PPIP5K2: variants seen among roughly 807,000 people sequenced by gnomAD.
PPIP5K2 encodes the protein diphosphoinositol pentakisphosphate kinase 2.
In PPIP5K2, 105 loss-of-function variants were observed where a neutral mutation model predicts 154.6. That is an observed-to-expected ratio of 0.68 (90% CI 0.58 to 0.80). The LOEUF is 0.80. Among genes scored for constraint, PPIP5K2 ranks in the 30% least tolerant of loss-of-function variants. The pLI is 0.00. For synonymous variants in PPIP5K2, 480 were observed against 490.3 expected, an observed-to-expected ratio of 0.98 and a Z score of 0.28; for missense variants, 992 against 1,504.6, an observed-to-expected ratio of 0.66 and a Z score of 5.64.
intron 27 of PPIP5K2, 133 bp downstream of exon 27, chr5:103,186,572 A>C: frequency 8.1e-7 from 1 of 1,242,202 alleles, no homozygotes; most frequent in South Asian, 1.4e-5. Context: ...CTAAATGACT[A>C]TCAGTGCTCT....
intron 19 of PPIP5K2, among the ~76,000 whole-genome samples, chr5:103,171,984 A>T (rs1289363261): frequency 6.6e-6 from 1 of 151,560 alleles, no homozygotes; most frequent in Non-Finnish European, 1.5e-5. Flanking sequence ...AGACTTTTAA[A>T]ATTTGTTTCA....
rs782023307 is a variant in PPIP5K2 at position 103,147,964 on chromosome 5, A to G, written c.676A>G (p.Ser226Gly). ...TAGAAGTAGTGTTTATTCTCCAGAAAGCAATGTACGAAAAACAGGCTCATA... is the reference window on the plus strand; with the variant it reads ...TAGAAGTAGTGTTTATTCTCCAGAAGGCAATGTACGAAAAACAGGCTCATA... ...GSRSSVYSPE[S>G]NVRKTGSYIY... The change falls in exon 7 of 31, where the codon AGC becomes GGC. Residue 226 changes from serine to glycine, a missense_variant. By Grantham distance (56) the Ser-to-Gly change is moderately conservative. Transcript: ENST00000358359. 2 of 1,603,092 alleles carry G rather than the reference A, an allele frequency of 1.2e-6. No individual in the cohort carries two copies. Among genetic ancestry groups the G allele is most frequent in the Admixed American group, 3.4e-5 (2 of 59,192 alleles).
chr5:103,153,104 C>G (rs1554211872), intron 10 of PPIP5K2, among the ~76,000 whole-genome samples: 2 of 151,842 alleles, frequency 1.3e-5, no homozygotes, highest in Non-Finnish European at 3.0e-5. Flanking sequence ...ATAACATTCT[C>G]TTACTGAAAA....
rs1162127320 is a variant in PPIP5K2, at chr5:103,202,853, T to A, written c.*1219T>A. The stretch of plus-strand genomic sequence containing the variant: ...AATTGCTAAAGCTTTAGCTTGAAAT[T>A]TATGTTTAGAAAAACTATTGATTTC... On this transcript the variant is annotated 3_prime_UTR_variant, in exon 31 of 31. Coordinates refer to ENST00000358359, the MANE Select transcript of PPIP5K2 (RefSeq NM_001276277.3). 3 of 152,218 alleles carry A rather than the reference T, an allele frequency of 2.0e-5. No individual in the cohort carries two copies. In the East Asian group the frequency reaches 5.8e-4, roughly 29 times the overall value. 9.4% of individuals were successfully genotyped at this position (152,218 alleles called of 1,614,324 possible).
chr5:103,145,316 G>A (rs1354927439), intron 5 of PPIP5K2, among the ~76,000 whole-genome samples: 1 of 152,050 alleles, frequency 6.6e-6, no homozygotes, highest in Non-Finnish European at 1.5e-5. Context: ...AATTAGTAAA[G>A]CCACTATTGA....
intron 30 of PPIP5K2, among the ~76,000 whole-genome samples, chr5:103,196,395 A>G (rs1802097251): frequency 6.6e-6 from 1 of 152,214 alleles, no homozygotes; most frequent in Admixed American, 6.5e-5. Context: ...CCAACTAATA[A>G]GTATGTGAAA....
At position 103,204,617 on chromosome 5, in the gene PPIP5K2, A is replaced by C. The variant is rs1451525547; in HGVS notation, c.*2983A>C. The C allele has an allele frequency of 1.3e-5, 2 of 152,114 alleles. No individual in the cohort carries two copies. The highest frequency in any genetic ancestry group is 4.8e-5 in the African/African-American group (2 of 41,436). The allele number at this position is 152,114 out of a possible 1,614,324, so 9.4% of individuals were successfully genotyped here. A position where few individuals can be genotyped will look rare whatever the true frequency, so the allele number is the denominator to read the frequency against. ...GTGCCACCACACCCAGCTCATGGGA[A>C]TAATTTTTACACTCCTTCAGAAGGA... On this transcript the variant is annotated 3_prime_UTR_variant, in exon 31 of 31. Transcript: ENST00000358359.
chr5:103,149,387 G>T (rs1794247009), intron 8 of PPIP5K2, 74 bp downstream of exon 8: 4 of 1,361,334 alleles, frequency 2.9e-6, no homozygotes, highest in Non-Finnish European at 4.0e-6. Flanking sequence ...AGACATTATT[G>T]GTGCTTATAA....
chr5:103,148,274 AAATAT>A (rs1397568523), intron 7 of PPIP5K2: 8 of 469,592 alleles, frequency 1.7e-5, no homozygotes, highest in Non-Finnish European at 3.1e-5. Context: ...AATTTTATTC[AAATAT>A]AATAAAATAT....
intron 30 of PPIP5K2, among the ~76,000 whole-genome samples, chr5:103,195,513 T>TCTGTCAGTCAGTCAGTCA: frequency 6.6e-6 from 1 of 152,284 alleles, no homozygotes; most frequent in Admixed American, 6.5e-5. Flanking sequence ...CTCTCCATTC[T>TCTGTCAGTCAGTCAGTCA]CAGTCTGACT....
intron 25 of PPIP5K2, chr5:103,184,396 A>G (rs1554224131): frequency 1.2e-5 from 3 of 255,522 alleles, no homozygotes; most frequent in Non-Finnish European, 2.2e-5. Flanking sequence ...GAGTGAAATT[A>G]TATCAATCTC....
chr5:103,197,539 A>G (rs1050352494), intron 30 of PPIP5K2, among the ~76,000 whole-genome samples: 2 of 99,296 alleles, frequency 2.0e-5, no homozygotes, highest in Admixed American at 9.1e-5. Context: ...GGCTCTTTGT[A>G]TTTCTGTTGG....
At chr5:103,150,276 A>C (rs1192639089) in intron 8 of PPIP5K2, among the ~76,000 whole-genome samples, 1 of 152,210 alleles carries the variant, frequency 6.6e-6, no homozygotes, top group Non-Finnish European at 1.5e-5. Context: ...AGCTTTATAG[A>C]AATCCTTTTA....
chr5:103,194,845 A>G (rs974849848), intron 29 of PPIP5K2, 55 bp from the exon 30 acceptor site: 8 of 1,555,892 alleles, frequency 5.1e-6, no homozygotes, highest in Non-Finnish European at 5.3e-6. Context: ...CTATGATGTT[A>G]AGAGATAATT....
In PPIP5K2 at chr5:103,155,935, G is replaced by A; in HGVS notation, c.1430G>A (p.Arg477His). Reference sequence around the variant, plus strand: ...TATGGTCATTTTTCTGGAATAAATCGTAAGGTTCAGTTGACCTATCTCCCT... The same window carrying A: ...TATGGTCATTTTTCTGGAATAAATCATAAGGTTCAGTTGACCTATCTCCCT... ...EMYGHFSGIN[R>H]KVQLTYLPHG... The change falls in exon 14 of 31, where the codon CGT (arginine) becomes CAT (histidine). Residue 477 changes from arginine to histidine, a missense_variant. Arg to His is a conservative substitution (Grantham distance 29). Coordinates refer to ENST00000358359, the MANE Select transcript of PPIP5K2 (RefSeq NM_001276277.3). 2 of 1,602,858 alleles carry A rather than the reference G, an allele frequency of 1.2e-6. No homozygotes were observed. Among genetic ancestry groups the A allele is most frequent in the African/African-American group, 1.3e-5 (1 of 74,660 alleles).
chr5:103,132,415 G>C (rs1657385909), intron 2 of PPIP5K2, among the ~76,000 whole-genome samples: 1 of 151,996 alleles, frequency 6.6e-6, no homozygotes, highest in African/African-American at 2.4e-5. Flanking sequence ...GTGTGGTGGT[G>C]CATGCCTGTA....
At chr5:103,198,457 G>A (rs1415502054) in intron 30 of PPIP5K2, among the ~76,000 whole-genome samples, 3 of 152,098 alleles carry the variant, frequency 2.0e-5, no homozygotes, top group Admixed American at 6.6e-5. Context: ...TTGGCAGAGG[G>A]GTGTTCAAGG....
In PPIP5K2 at chr5:103,206,093, T is replaced by A. The variant is rs548338584; in HGVS notation, c.*4459T>A. The A allele has an allele frequency of 6.6e-6, 1 of 152,306 alleles. No homozygotes were observed. Among genetic ancestry groups the A allele is most frequent in the East Asian group, 1.9e-4 (1 of 5,186 alleles). The allele number at this position is 152,306 out of a possible 1,614,324, so 9.4% of individuals were successfully genotyped here. ...GTCTTTCTGTAACAATACTTTCCAC[T>A]GCAAGTAGGAAAATTCCAATTGAAA... is the stretch of plus-strand genomic sequence containing the variant. On this transcript the variant is annotated 3_prime_UTR_variant, in exon 31 of 31. Transcript: ENST00000358359.
At chr5:103,178,321 A>G (rs1799019367) in intron 23 of PPIP5K2, among the ~76,000 whole-genome samples, 1 of 151,888 alleles carries the variant, frequency 6.6e-6, no homozygotes, top group Non-Finnish European at 1.5e-5. Context: ...ACTAAACCCC[A>G]GTATCATAGA....
Sources: gnomAD v4.1 joint callset for allele counts (sites outside exome capture counted in the v4.1 genomes callset) on GRCh38, gnomAD v4.1.1 for gene constraint, MANE v1.5 for transcripts, NCBI Gene and HGNC (gene_info 2026-07-23, HGNC 2026-07-21) for gene names.